SEMA4D: variants seen among roughly 807,000 people sequenced by gnomAD.
SEMA4D encodes the protein semaphorin-4D.
In SEMA4D, 22 loss-of-function variants were observed where a neutral mutation model predicts 74.8. The observed-to-expected ratio is 0.29, with a 90% CI of 0.21 to 0.42. SEMA4D has a LOEUF of 0.42. Among genes scored for constraint, SEMA4D ranks in the 10% least tolerant of loss-of-function variants. The pLI is 1.00. For missense variants in SEMA4D, 937 were observed against 1,118.4 expected, an observed-to-expected ratio of 0.84 and a Z score of 2.31; for synonymous variants, 445 against 463.7, an observed-to-expected ratio of 0.96 and a Z score of 0.52.
intron 4 of SEMA4D, among the ~76,000 whole-genome samples, chr9:89,400,398 A>G (rs1841940138): frequency 6.6e-6 from 1 of 152,254 alleles, no homozygotes; most frequent in Non-Finnish European, 1.5e-5. Context: ...AAAAGAAACC[A>G]GTAACAATGT....
At chr9:89,432,969 C>T (rs1334511089) in intron 2 of SEMA4D, among the ~76,000 whole-genome samples, 1 of 152,250 alleles carries the variant, frequency 6.6e-6, no homozygotes, top group Non-Finnish European at 1.5e-5. Context: ...GTCATGTCCT[C>T]AAAGTGACCC....
At chr9:89,461,426 G>A (rs1482346856) in intron 1 of SEMA4D, among the ~76,000 whole-genome samples, 1 of 152,134 alleles carries the variant, frequency 6.6e-6, no homozygotes, top group Non-Finnish European at 1.5e-5. Flanking sequence ...GCAGCACTCG[G>A]GCTCCAAATT....
chr9:89,478,211 G>A (rs1862246742), intron 1 of SEMA4D, among the ~76,000 whole-genome samples: 2 of 152,180 alleles, frequency 1.3e-5, no homozygotes, highest in Non-Finnish European at 2.9e-5. Context: ...TGCAAAAAGG[G>A]TCTTTCTAGA....
At chr9:89,459,965 C>T (rs1856837014) in intron 1 of SEMA4D, among the ~76,000 whole-genome samples, 1 of 152,216 alleles carries the variant, frequency 6.6e-6, no homozygotes, top group Non-Finnish European at 1.5e-5. Flanking sequence ...CCCCTGCCCT[C>T]TGCGTTCCAG....
intron 2 of SEMA4D, among the ~76,000 whole-genome samples, chr9:89,447,580 G>A (rs1253180469): frequency 1.3e-5 from 2 of 152,238 alleles, no homozygotes; most frequent in Non-Finnish European, 2.9e-5. Flanking sequence ...GCTGAAGGGA[G>A]CCACTCCTCA....
intron 1 of SEMA4D, among the ~76,000 whole-genome samples, chr9:89,478,198 G>C (rs1419188845): frequency 1.3e-5 from 2 of 152,152 alleles, no homozygotes; most frequent in Admixed American, 6.5e-5. Flanking sequence ...ATGCAATCTT[G>C]TTTGCAAAAA....
intron 2 of SEMA4D, chr9:89,450,686 A>AAAAAAAAC: frequency 2.1e-6 from 2 of 945,104 alleles, no homozygotes; most frequent in East Asian, 2.6e-5. Flanking sequence ...AAAAAAAAAA[A>AAAAAAAAC]AGGCCTCCAA....
rs1011772204 is a variant in SEMA4D, at chr9:89,428,378, A to T, written c.-243-22679T>A. On this transcript the variant is annotated intron_variant, in intron 2 of 15. Transcript: ENST00000422704. ...AACCTGAACTGGAAGGACGAGGGCA[A>T]GACCCATATGACCTGCCAAGAGCCC... is the stretch of plus-strand genomic sequence containing the variant. Among the ~76,000 whole-genome samples the T allele has an allele frequency of 1.4e-4, 21 of 152,356 alleles. 1 individual carries two copies. The Middle Eastern group carries it at 0.014, about 99-fold the overall frequency.
chr9:89,392,190 G>C (rs185375791), intron 8 of SEMA4D, among the ~76,000 whole-genome samples: 1 of 152,146 alleles, frequency 6.6e-6, no homozygotes, highest in East Asian at 1.9e-4. Context: ...ATCCATTTTT[G>C]GGGGGTTAGT....
Position 89,385,950 on chromosome 9 carries a change from C to T in SEMA4D, c.1446+417G>A, listed in dbSNP as rs192584410. ...TCAGCCACAGGTGGAGACAGCTTTA[C>T]AGATGAGACGAACCACTTCTCTTGT... On this transcript the variant is annotated intron_variant, in intron 13 of 15. Transcript: ENST00000422704. 120 of 977,328 alleles carry T rather than the reference C, an allele frequency of 1.2e-4. No homozygotes were observed. In the African/African-American group the frequency reaches 2.1e-3, roughly 17 times the overall value. 60.5% of individuals were successfully genotyped at this position (977,328 alleles called of 1,614,324 possible). A position where few individuals can be genotyped will look rare whatever the true frequency, so the allele number is the denominator to read the frequency against.
At chr9:89,433,388 T>C (rs898320050) in intron 2 of SEMA4D, among the ~76,000 whole-genome samples, 1 of 151,948 alleles carries the variant, frequency 6.6e-6, no homozygotes, top group East Asian at 1.9e-4. Context: ...GAGTCCTTGA[T>C]AGTGGGGAGG....
chr9:89,488,110 T>C (rs1464256524), intron 1 of SEMA4D, among the ~76,000 whole-genome samples: 1 of 152,212 alleles, frequency 6.6e-6, no homozygotes, highest in Non-Finnish European at 1.5e-5. Flanking sequence ...AGTGTGATAC[T>C]GGGACCTATG....
At chr9:89,393,483 G>A (rs1840281798) in intron 7 of SEMA4D, 79 bp downstream of exon 7, 4 of 1,230,462 alleles carry the variant, frequency 3.3e-6, no homozygotes, top group Non-Finnish European at 4.8e-6. Flanking sequence ...GCACTTCAGA[G>A]AAGATCCAAA....
At chr9:89,423,341 G>A (rs1253678613) in intron 2 of SEMA4D, among the ~76,000 whole-genome samples, 1 of 152,078 alleles carries the variant, frequency 6.6e-6, no homozygotes, top group Admixed American at 6.5e-5. Flanking sequence ...ACAGGCATGT[G>A]CCACCATGCC....
At chr9:89,414,538 T>G (rs11265838) in intron 2 of SEMA4D, among the ~76,000 whole-genome samples, 61,214 of 152,004 alleles carry the variant, frequency 0.4, 12,435 homozygotes, top group East Asian at 0.49. Context: ...CACCCTGGGA[T>G]GTCCTCTGCC....
rs772990456 is a variant in SEMA4D at position 89,379,431 on chromosome 9, A to G, written c.1862T>C (p.Val621Ala). ...IFNLSEGDSG[V>A]YQCLSEERVK... is the part of the protein sequence containing the mutation. ...CCTCTCCTCTGACAGGCACTGGTAC[A>G]CCCCACTGTCTCCTTCTGACAAGTT... Residue 621 changes from valine (V) to alanine (A), a missense_variant, in exon 16 of 16, where the codon GTG becomes GCG. Val to Ala is a moderately conservative substitution (Grantham distance 64). Coordinates refer to ENST00000422704, the MANE Select transcript of SEMA4D (RefSeq NM_001371194.2). 3.1e-6 allele frequency: 5 copies of G among 1,613,984 alleles called. No individual in the cohort carries two copies. In the South Asian group the frequency reaches 3.3e-5, roughly 11 times the overall value.
intron 1 of SEMA4D, among the ~76,000 whole-genome samples, chr9:89,474,257 T>A (rs1473877057): frequency 6.6e-6 from 1 of 152,232 alleles, no homozygotes; most frequent in Admixed American, 6.5e-5. Context: ...GCCTGACTCA[T>A]TTACCCAGCC....
intron 1 of SEMA4D, among the ~76,000 whole-genome samples, chr9:89,463,531 C>A (rs577458001): frequency 6.6e-6 from 1 of 152,144 alleles, no homozygotes; most frequent in African/African-American, 2.4e-5. Flanking sequence ...AGCCCTTTTT[C>A]GCTGCTGCTT....
At chr9:89,401,739 A>G (rs1227005989) in intron 4 of SEMA4D, among the ~76,000 whole-genome samples, 1 of 152,206 alleles carries the variant, frequency 6.6e-6, no homozygotes, top group African/African-American at 2.4e-5. Context: ...TGGTAAATAA[A>G]GGCAAAGATT....
Sources: allele counts gnomAD v4.1 joint callset (sites outside exome capture counted in the v4.1 genomes callset), GRCh38; gene constraint gnomAD v4.1.1; transcripts MANE v1.5; gene names NCBI Gene and HGNC (gene_info 2026-07-23, HGNC 2026-07-21).